FAM228B: variants seen among roughly 807,000 people sequenced by gnomAD.
FAM228B encodes the protein family with sequence similarity 228 member B, also known as protein FAM228B.
FAM228B carries 38 observed loss-of-function variants against 42.6 expected under a neutral mutation model. That is an observed-to-expected ratio of 0.89 (90% CI 0.69 to 1.17). FAM228B has a LOEUF of 1.17. Ranked by LOEUF, FAM228B falls within the 50% of genes most tolerant of loss-of-function variation. FAM228B has a pLI of 0.00. For missense variants in FAM228B, 344 were observed against 367.3 expected, an observed-to-expected ratio of 0.94 and a Z score of 0.52; for synonymous variants, 109 against 122.3, an observed-to-expected ratio of 0.89 and a Z score of 0.72.
chr2:24,145,915 T>G (rs1373788167), intron 5 of FAM228B, among the ~76,000 whole-genome samples: 2 of 152,040 alleles, frequency 1.3e-5, no homozygotes, highest in Non-Finnish European at 2.9e-5. Context: ...GGTCTCAATC[T>G]CCTGACCTTG....
chr2:24,146,205 C>T (rs1666890171), intron 5 of FAM228B, among the ~76,000 whole-genome samples: 2 of 152,150 alleles, frequency 1.3e-5, no homozygotes, highest in Admixed American at 6.5e-5. Flanking sequence ...ATTTCACTGA[C>T]TAGGCCTAAA....
rs543525732 is a variant in FAM228B at position 24,081,839 on chromosome 2, G to A, written c.-210+884G>A. On this transcript the variant is annotated intron_variant, in intron 2 of 10. Coordinates refer to the FAM228B transcript ENST00000613899. ...GCTTCCTGAGTAGCTGGGACTACAG[G>A]TGCCCACCACCACGCCCAGCTAATT... Among the ~76,000 whole-genome samples the A allele has an allele frequency of 1.4e-3, 205 of 151,740 alleles. 1 individual carries two copies. Among genetic ancestry groups the A allele is most frequent in the African/African-American group, 4.9e-3 (201 of 41,352 alleles).
intron 1 of FAM228B, 190 bp from the exon 2 acceptor site, chr2:24,124,140 C>T (rs771380355): frequency 1.2e-5 from 5 of 415,014 alleles, no homozygotes; most frequent in Non-Finnish European, 2.1e-5. Context: ...AAGAGCATCT[C>T]GCCTGCTTAT....
chr2:24,150,862 T>G (rs1266800460), intron 7 of FAM228B, among the ~76,000 whole-genome samples: 1 of 152,190 alleles, frequency 6.6e-6, no homozygotes, highest in Non-Finnish European at 1.5e-5. Flanking sequence ...GATCCTTTCT[T>G]TATTCTTGAT....
intron 2 of FAM228B, among the ~76,000 whole-genome samples, chr2:24,093,208 T>C (rs895511569): frequency 1.3e-5 from 2 of 152,214 alleles, no homozygotes; most frequent in African/African-American, 4.8e-5. Flanking sequence ...TAGGCATACA[T>C]GTGCCATGGT....
At position 24,080,771 on chromosome 2, in the gene FAM228B, T is replaced by C. The variant is rs1176927756; in HGVS notation, c.-289-105T>C. 6.2e-7 allele frequency: 1 copy of C among 1,609,828 alleles called. No homozygotes were observed. Among genetic ancestry groups the C allele is most frequent in the Admixed American group, 1.7e-5 (1 of 59,730 alleles). On this transcript the variant is annotated intron_variant, in intron 1 of 10. Transcript: ENST00000613899. This position sits in a 1 kb window ranked among gnomAD's most constrained non-coding sequence, Gnocchi z 4.7. ...AACTTTGAGACTGGTGGGGCTTTTATTTAATCATCTCTTAAATTCCTGCTG... is the reference window on the plus strand; with the variant it reads ...AACTTTGAGACTGGTGGGGCTTTTACTTAATCATCTCTTAAATTCCTGCTG...
At chr2:24,128,376 A>G (rs1451880557) in intron 2 of FAM228B, among the ~76,000 whole-genome samples, 1 of 152,206 alleles carries the variant, frequency 6.6e-6, no homozygotes, top group African/African-American at 2.4e-5. Context: ...GGTGTGAGCC[A>G]TCATGCCTGG....
At chr2:24,106,187 G>GA (rs1665694150) in intron 3 of FAM228B, among the ~76,000 whole-genome samples, 2 of 151,824 alleles carry the variant, frequency 1.3e-5, no homozygotes, top group East Asian at 1.9e-4. Context: ...TTACATGAAA[G>GA]AAAAAATGTC....
chr2:24,097,150 G>A (rs191299535), intron 3 of FAM228B: 1 of 152,064 alleles, frequency 6.6e-6, no homozygotes, highest in African/African-American at 2.4e-5. Context: ...AGGAACAACT[G>A]GTACCAGCCA....
chr2:24,078,112 T>G lies in FAM228B; in HGVS notation c.-290+1143T>G, dbSNP rs145401701. Among the ~76,000 whole-genome samples, 1,202 of 152,278 alleles carry G rather than the reference T, an allele frequency of 7.9e-3. 10 individuals are homozygous for G. Among genetic ancestry groups the G allele is most frequent in the Non-Finnish European group, 0.014 (927 of 68,022 alleles). ...GCAAAAAGCCCTTATCACCAGAGAC[T>G]GGAAACGGGGCTGCAATGGAACTGA... On this transcript the variant is annotated intron_variant, in intron 1 of 10. Coordinates refer to the FAM228B transcript ENST00000613899.
At chr2:24,081,973 G>A (rs1558360538) in intron 2 of FAM228B, among the ~76,000 whole-genome samples, 2 of 151,856 alleles carry the variant, frequency 1.3e-5, no homozygotes, top group South Asian at 2.1e-4. Flanking sequence ...GGGATTACAG[G>A]CGTGAGCCAC....
At chr2:24,103,969 G>A (rs182359468) in intron 3 of FAM228B, among the ~76,000 whole-genome samples, 52 of 152,374 alleles carry the variant, frequency 3.4e-4, no homozygotes, top group East Asian at 7.7e-4. Flanking sequence ...GTGGGGCCGA[G>A]ATAGTGGACT....
At chr2:24,164,731 C>T (rs1203929012) in intron 9 of FAM228B, among the ~76,000 whole-genome samples, 1 of 152,176 alleles carries the variant, frequency 6.6e-6, no homozygotes, top group Non-Finnish European at 1.5e-5. Flanking sequence ...ATTTTGTTAA[C>T]CTTAAGGCAG....
intron 1 of FAM228B, chr2:24,079,163 C>A (rs1447717362): frequency 8.2e-6 from 3 of 364,786 alleles, no homozygotes; most frequent in Non-Finnish European, 5.0e-6. Context: ...TGGAACTACT[C>A]GAAATACTTC....
chr2:24,102,808 A>G (rs530187760), intron 3 of FAM228B, among the ~76,000 whole-genome samples: 14 of 152,346 alleles, frequency 9.2e-5, no homozygotes, highest in Admixed American at 3.9e-4. Flanking sequence ...TAACTCATTT[A>G]TGGAAAACAT....
intron 2 of FAM228B, among the ~76,000 whole-genome samples, chr2:24,125,810 G>A (rs181665186): frequency 3.3e-5 from 5 of 152,058 alleles, no homozygotes; most frequent in East Asian, 1.9e-4. Context: ...TGATCTGCCC[G>A]CCTCGGCCTC....
intron 8 of FAM228B, among the ~76,000 whole-genome samples, chr2:24,162,636 C>T (rs1667311492): frequency 1.3e-5 from 2 of 152,230 alleles, no homozygotes; most frequent in South Asian, 4.1e-4. Flanking sequence ...TTCATAGCAG[C>T]ATTATTCACA....
At chr2:24,119,973 G>C (rs937557099), upstream of FAM228B, among the ~76,000 whole-genome samples, 1 of 151,986 alleles carries the variant, frequency 6.6e-6, no homozygotes, top group Non-Finnish European at 1.5e-5. Flanking sequence ...ATCCCAATTA[G>C]AACAACTGAT....
At chr2:24,147,647 C>T (rs1275508136) in intron 7 of FAM228B, among the ~76,000 whole-genome samples, 1 of 152,062 alleles carries the variant, frequency 6.6e-6, no homozygotes, top group African/African-American at 2.4e-5. Flanking sequence ...ACTGCCCTTC[C>T]TTAGCTGTGT....
Sources: allele counts gnomAD v4.1 joint callset (sites outside exome capture counted in the v4.1 genomes callset), GRCh38; gene constraint gnomAD v4.1.1; non-coding constraint Gnocchi (gnomAD v3.1); transcripts MANE v1.5; gene names NCBI Gene and HGNC (gene_info 2026-07-23, HGNC 2026-07-21).